Variants in RBP5 observed in about 807,000 individuals in gnomAD.
RBP5 encodes retinol binding protein 5, also known as retinol-binding protein 5.
Under a neutral mutation model 17.8 loss-of-function variants are expected in RBP5, and 12 were observed. The ratio of observed to expected loss-of-function variants is 0.67; its 90% CI spans 0.43 to 1.09. The LOEUF is 1.09. Among genes scored for constraint, RBP5 ranks in the 50% least tolerant of loss-of-function variants. The pLI is 0.00. For synonymous variants in RBP5, 64 were observed against 68.1 expected, an observed-to-expected ratio of 0.94 and a Z score of 0.30; for missense variants, 172 against 169.4, an observed-to-expected ratio of 1.02 and a Z score of -0.09.
chr12:7,122,629 T>C (rs1303743899), downstream of RBP5: 2 of 152,246 alleles, frequency 1.3e-5, no homozygotes, highest in Non-Finnish European at 2.9e-5. Flanking sequence ...GGGAAGAGGC[T>C]TGGACATGCA....
intron 3 of RBP5, chr12:7,118,135 G>A (rs992017678): frequency 1.3e-5 from 2 of 152,212 alleles, no homozygotes; most frequent in African/African-American, 2.4e-5. Flanking sequence ...AGAAAAGAAG[G>A]AGTGGTGGGG....
chr12:7,119,229 AG>A (rs1235666967), downstream of RBP5, among the ~76,000 whole-genome samples: 1 of 126,834 alleles, frequency 7.9e-6, no homozygotes, highest in Non-Finnish European at 1.7e-5. Context: ...GCTGGGGGGT[AG>A]GGGTGGATGG....
rs893090380 is a variant in RBP5 at position 7,128,412 on chromosome 12, C to G, written c.80G>C (p.Ser27Thr). The G allele has an allele frequency of 6.2e-7, 1 of 1,614,048 alleles. No individual in the cohort carries two copies. Among genetic ancestry groups the G allele is most frequent in the African/African-American group, 1.3e-5 (1 of 75,062 alleles). ...MEDYLQALNI[S>T]LAVRKIALLL... is the part of the protein sequence containing the mutation. ...CAGCGCGATCTTCCGCACAGCCAAG[C>G]TGATGTCTGTGGGGGCTGCCTGTTA... The change falls in exon 2 of 4, where the codon AGC (serine) becomes ACC (threonine). Residue 27 changes from serine to threonine, a missense_variant. Transcript: ENST00000266560. The surrounding 1 kb of genome is among the most constrained non-coding windows in gnomAD (Gnocchi z 5.3).
downstream of RBP5, among the ~76,000 whole-genome samples, chr12:7,119,922 C>T (rs1939056923): frequency 6.6e-6 from 1 of 152,228 alleles, no homozygotes; most frequent in African/African-American, 2.4e-5. Flanking sequence ...GCAGCACTGC[C>T]TCCCAATTTT....
downstream of RBP5, chr12:7,123,677 A>C (rs1939112457): frequency 6.2e-6 from 1 of 160,678 alleles, no homozygotes; most frequent in Non-Finnish European, 1.4e-5. Flanking sequence ...GAAATGGACA[A>C]AAAGACTCTG....
Position 7,128,565 on chromosome 12 carries a change from T to C in RBP5, c.73+138A>G. On this transcript the variant is annotated intron_variant, in intron 1 of 3. Transcript: ENST00000266560. This position sits in a 1 kb window ranked among gnomAD's most constrained non-coding sequence, Gnocchi z 5.3. ...CTACCAATGCCTGGTTAGAAATGGATCCCAGGTCTGGTGCCAGCCGCCTGA... is the reference window on the plus strand; with the variant it reads ...CTACCAATGCCTGGTTAGAAATGGACCCCAGGTCTGGTGCCAGCCGCCTGA... The C allele has an allele frequency of 8.4e-7, 1 of 1,184,200 alleles. No individual in the cohort carries two copies. Among genetic ancestry groups the C allele is most frequent in the Non-Finnish European group, 1.2e-6 (1 of 817,458 alleles). The allele number at this position is 1,184,200 out of a possible 1,614,324, so 73.4% of individuals were successfully genotyped here. A position where few individuals can be genotyped will look rare whatever the true frequency, so the allele number is the denominator to read the frequency against.
upstream of RBP5, chr12:7,129,003 T>C (rs1939229024): frequency 2.0e-6 from 1 of 507,076 alleles, no homozygotes; most frequent in East Asian, 3.7e-5. This position sits in a 1 kb window ranked among gnomAD's most constrained non-coding sequence, Gnocchi z 5.5. Flanking sequence ...GTCTCCAGCC[T>C]GAAGGAGGGG....
downstream of RBP5, among the ~76,000 whole-genome samples, chr12:7,119,816 TTGTGGGCTGGCCAA>T (rs1375213836): frequency 1.3e-5 from 2 of 152,234 alleles, no homozygotes; most frequent in African/African-American, 4.8e-5. Context: ...TGGTGTTGCC[TTGTGGGCTGGCCAA>T]TGTGGCTCAT....
chr12:7,128,528 A>G lies in RBP5; in HGVS notation c.74-110T>C. On this transcript the variant is annotated intron_variant, in intron 1 of 3. Transcript: ENST00000266560. The surrounding 1 kb of genome is among the most constrained non-coding windows in gnomAD (Gnocchi z 5.3). ...CCCTTCTTTGGGTCTGGGACTGTGG[A>G]TTCACCCCCTCCTACCAATGCCTGG... 1 of 1,269,610 alleles carries G rather than the reference A, an allele frequency of 7.9e-7. No homozygotes were observed. Among genetic ancestry groups the G allele is most frequent in the East Asian group, 2.4e-5 (1 of 41,158 alleles). 78.6% of individuals were successfully genotyped at this position (1,269,610 alleles called of 1,614,324 possible).
At chr12:7,126,507 GGTGGT>G (rs1442519147) in intron 2 of RBP5, among the ~76,000 whole-genome samples, 52 of 29,848 alleles carry the variant, frequency 1.7e-3, no homozygotes, top group African/African-American at 5.2e-3. Flanking sequence ...TGGTGGTGGT[GGTGGT>G]GTGTGTGTGT....
At chr12:7,125,414 C>A (rs12829025) in intron 2 of RBP5, among the ~76,000 whole-genome samples, 12,552 of 152,240 alleles carry the variant, frequency 0.082, 651 homozygotes, top group Non-Finnish European at 0.12. Flanking sequence ...CAGGTAATCT[C>A]ATTTCTCCTC....
At chr12:7,126,489 TGTG>T (rs71450185) in intron 2 of RBP5, among the ~76,000 whole-genome samples, 22 of 116,160 alleles carry the variant, frequency 1.9e-4, no homozygotes, top group African/African-American at 4.4e-4. Flanking sequence ...GCCGATTAGA[TGTG>T]GTGGTGGTGG....
rs1565646181 is a variant in RBP5, at chr12:7,128,493, C to T, written c.74-75G>A. ...CTCTGCCTGCAGCAGCCCCTCAGGG[C>T]TGTGAGTTTCCCTTCTTTGGGTCTG... is the stretch of plus-strand genomic sequence containing the variant. On this transcript the variant is annotated intron_variant, in intron 1 of 3. Coordinates refer to ENST00000266560, the MANE Select transcript of RBP5 (RefSeq NM_031491.4). This position sits in a 1 kb window ranked among gnomAD's most constrained non-coding sequence, Gnocchi z 5.3. 1 of 1,483,266 alleles carries T rather than the reference C, an allele frequency of 6.7e-7. No homozygotes were observed. Among genetic ancestry groups the T allele is most frequent in the South Asian group, 1.2e-5 (1 of 84,266 alleles). The allele number at this position is 1,483,266 out of a possible 1,614,324, so 91.9% of individuals were successfully genotyped here. A position where few individuals can be genotyped will look rare whatever the true frequency, so the allele number is the denominator to read the frequency against.
At chr12:7,120,696 C>T (rs1013233129), downstream of RBP5, 7 of 154,942 alleles carry the variant, frequency 4.5e-5, no homozygotes, top group Middle Eastern at 5.1e-4. Context: ...GAGAGGGAGC[C>T]GGGGAGACTT....
At chr12:7,119,629 T>A (rs1262626214), downstream of RBP5, 2 of 154,878 alleles carry the variant, frequency 1.3e-5, no homozygotes, top group Non-Finnish European at 2.9e-5. Flanking sequence ...TGCCTTGTCC[T>A]TAACTGAAGA....
rs1351535767 is a variant in RBP5, at chr12:7,128,400, C to T, written c.92G>A (p.Arg31Gln). The change falls in exon 2 of 4, where the codon CGG (arginine) becomes CAG (glutamine). Residue 31 changes from arginine to glutamine, a missense_variant. Physicochemically the swap from Arg to Gln is conservative, Grantham distance 43. Coordinates refer to ENST00000266560, the MANE Select transcript of RBP5 (RefSeq NM_031491.4). This position sits in a 1 kb window ranked among gnomAD's most constrained non-coding sequence, Gnocchi z 5.3. ...CGGCTTCAGCAGCAGCGCGATCTTC[C>T]GCACAGCCAAGCTGATGTCTGTGGG... is the stretch of plus-strand genomic sequence containing the variant. ...LQALNISLAV[R>Q]KIALLLKPDK... 10 of 1,614,010 alleles carry T rather than the reference C, an allele frequency of 6.2e-6. No individual in the cohort carries two copies. The highest frequency in any genetic ancestry group is 2.7e-5 in the African/African-American group (2 of 74,940).
Position 7,124,656 on chromosome 12 carries a change from G to T in RBP5, c.327C>A (p.His109Gln). 1 of 1,578,626 alleles carries T rather than the reference G, an allele frequency of 6.3e-7. No homozygotes were observed. The highest frequency in any genetic ancestry group is 8.7e-7 in the Non-Finnish European group (1 of 1,149,262). The part of the protein sequence containing the change: ...KGEVPNRGWR[H>Q]WLEGEMLYLE... ...GATACAGCATCTCTCCCTCCAGCCA[G>T]TGTCTCCAGCCCCGGTTGGGGACCT... The change falls in exon 3 of 4, where the codon CAC (histidine) becomes CAA (glutamine). Residue 109 changes from histidine (H) to glutamine (Q), a missense_variant. Transcript: ENST00000266560. The surrounding 1 kb of genome is among the most constrained non-coding windows in gnomAD (Gnocchi z 5.3).
chr12:7,129,659 A>G, upstream of RBP5: 1 of 985,378 alleles, frequency 1.0e-6, no homozygotes, highest in Non-Finnish European at 1.2e-6. The surrounding 1 kb of genome is among the most constrained non-coding windows in gnomAD (Gnocchi z 5.5). Context: ...GGTGGGGTGG[A>G]GGCGCCTAAA....
Position 7,127,741 on chromosome 12 carries a change from T to C in RBP5, c.252+499A>G, listed in dbSNP as rs763213588. Reference sequence around the variant, plus strand: ...TAGATGGAAGCAGAAGGCATGGGTGTAGATGATTTAGCCTATGGATAGTGG... The same window carrying C: ...TAGATGGAAGCAGAAGGCATGGGTGCAGATGATTTAGCCTATGGATAGTGG... On this transcript the variant is annotated intron_variant, in intron 2 of 3. Transcript: ENST00000266560. 3 of 702,096 alleles carry C rather than the reference T, an allele frequency of 4.3e-6. No homozygotes were observed. The South Asian group carries it at 4.4e-5, about 10-fold the overall frequency. The allele number at this position is 702,096 out of a possible 1,614,324, so 43.5% of individuals were successfully genotyped here. A position where few individuals can be genotyped will look rare whatever the true frequency, so the allele number is the denominator to read the frequency against.
Sources: gnomAD v4.1 joint callset for allele counts (sites outside exome capture counted in the v4.1 genomes callset) on GRCh38, gnomAD v4.1.1 for gene constraint, Gnocchi (gnomAD v3.1) non-coding constraint, MANE v1.5 for transcripts, NCBI Gene and HGNC (gene_info 2026-07-23, HGNC 2026-07-21) for gene names.